CALU: variants seen among roughly 807,000 people sequenced by gnomAD.
CALU encodes calumenin.
Under a neutral mutation model 37.5 loss-of-function variants are expected in CALU, and 13 were observed. The observed-to-expected ratio is 0.35, with a 90% confidence interval of 0.23 to 0.55. The LOEUF (loss-of-function observed/expected upper bound fraction) is 0.55. Ranked by LOEUF, CALU falls within the 20% of genes least tolerant of loss-of-function variation. The pLI is 0.89. For missense variants in CALU, 282 were observed against 391.7 expected (o/e 0.72, Z 2.36); for synonymous variants, 114 against 133.8 (o/e 0.85, Z 1.02).
At chr7:128,750,506 A>G (rs1800630184) in intron 2 of CALU, among the ~76,000 whole-genome samples, 1 of 152,200 alleles carries the variant, frequency 6.6e-6, no homozygotes, top group Non-Finnish European at 1.5e-5. Context: ...AGTTTGTCAC[A>G]TATGCAGATT....
chr7:128,772,380 G>C lies in CALU; in HGVS notation c.*3213G>C. The C allele has an allele frequency of 1.3e-6, 1 of 790,266 alleles. No homozygotes were observed. The highest frequency in any genetic ancestry group is 2.1e-6 in the Non-Finnish European group (1 of 481,662). The allele number at this position is 790,266 out of a possible 1,614,324, so 49.0% of individuals were successfully genotyped here. On this transcript the variant is annotated 3_prime_UTR_variant, in exon 7 of 7. Transcript: ENST00000249364. ...AAACAGTAGCTTTGTAGGCAAGAAG[G>C]CAATAGTAAGAAAATGAAAAATTGA...
At chr7:128,751,764 C>T (rs986666632) in intron 2 of CALU, among the ~76,000 whole-genome samples, 1 of 152,146 alleles carries the variant, frequency 6.6e-6, no homozygotes, top group Non-Finnish European at 1.5e-5. Flanking sequence ...ATTTTGCACA[C>T]TGAAAATTTC....
chr7:128,739,812 A>G (rs1338249620), intron 1 of CALU, among the ~76,000 whole-genome samples: 1 of 151,836 alleles, frequency 6.6e-6, no homozygotes, highest in Non-Finnish European at 1.5e-5. Context: ...GGATAGTGTT[A>G]TTGTAAGAGT....
At position 128,759,805 on chromosome 7, in the gene CALU, A is replaced by C; in HGVS notation, c.596A>C (p.Asp199Ala). ...KDIVVQETME[D>A]IDKNADGFID... ...TTTCCTGTTTAGGAAACAATGGAAG[A>C]TATAGATAAGAATGCTGATGGTTTC... Residue 199 changes from aspartate (D) to alanine (A), a missense_variant, in exon 5 of 7, where the codon GAT becomes GCT. By Grantham distance (126) the Asp-to-Ala change is moderately radical (BLOSUM62 -2). Coordinates refer to ENST00000249364, the MANE Select transcript of CALU (RefSeq NM_001219.5). The C allele has an allele frequency of 7.3e-7, 1 of 1,366,336 alleles. No homozygotes were observed. The highest frequency in any genetic ancestry group is 2.3e-5 in the East Asian group (1 of 43,682). The allele number at this position is 1,366,336 out of a possible 1,614,324, so 84.6% of individuals were successfully genotyped here.
At chr7:128,746,687 A>G (rs1800453816) in intron 1 of CALU, among the ~76,000 whole-genome samples, 1 of 151,764 alleles carries the variant, frequency 6.6e-6, no homozygotes, top group African/African-American at 2.4e-5. Flanking sequence ...CCCGGATGCA[A>G]GTGATCCGCC....
rs1801638561 is a variant in CALU, at chr7:128,772,750, C to T, written c.*3583C>T. 6.4e-7 allele frequency: 1 copy of T among 1,554,826 alleles called. No homozygotes were observed. The highest frequency in any genetic ancestry group is 1.1e-5 in the South Asian group (1 of 88,948). ...TTCTCTGTATCACCAAAGCCTTGCA[C>T]AATGCTTTGTACCCAGAATGCCCTT... On this transcript the variant is annotated 3_prime_UTR_variant, in exon 7 of 7. Coordinates refer to ENST00000249364, the MANE Select transcript of CALU (RefSeq NM_001219.5).
Position 128,758,032 on chromosome 7 carries a change from C to T in CALU, c.416-839C>T, listed in dbSNP as rs141512130. 3.8e-3 allele frequency among the ~76,000 whole-genome samples: 585 copies of T among 152,048 alleles called. 19 individuals carry two copies. Among genetic ancestry groups the T allele is most frequent in the Admixed American group, 0.035 (529 of 15,266 alleles). On this transcript the variant is annotated intron_variant, in intron 3 of 6. Transcript: ENST00000249364. Reference sequence around the variant, plus strand: ...ACCAGTGAAACCACCACTGCAATCACGATAATGAGCATATCCATTACCCCC... The same window carrying T: ...ACCAGTGAAACCACCACTGCAATCATGATAATGAGCATATCCATTACCCCC...
In CALU at chr7:128,752,969, C is replaced by T. The variant is rs563174553; in HGVS notation, c.222-1293C>T. On this transcript the variant is annotated intron_variant, in intron 2 of 6. Coordinates refer to ENST00000249364, the MANE Select transcript of CALU (RefSeq NM_001219.5). ...CCTCCCAAAGTGCTGAGATTATAGG[C>T]GTGAGCCACCGTACCAGGCCAGAGA... Among the ~76,000 whole-genome samples, 205 of 152,308 alleles carry T rather than the reference C, an allele frequency of 1.3e-3. 5 individuals are homozygous for T. The South Asian group carries it at 0.04, about 30-fold the overall frequency.
intron 1 of CALU, among the ~76,000 whole-genome samples, chr7:128,740,026 A>G (rs1045292937): frequency 6.6e-6 from 1 of 152,212 alleles, no homozygotes; most frequent in African/African-American, 2.4e-5. Context: ...ATATTTGGCT[A>G]CGTACTTCAG....
intron 1 of CALU, among the ~76,000 whole-genome samples, chr7:128,745,703 G>A (rs1293635253): frequency 2.0e-5 from 3 of 152,128 alleles, no homozygotes; most frequent in African/African-American, 4.8e-5. Flanking sequence ...GCTAAATCTC[G>A]GATTTTCTGT....
chr7:128,766,654 C>G (rs1469504534), intron 5 of CALU, among the ~76,000 whole-genome samples: 1 of 151,948 alleles, frequency 6.6e-6, no homozygotes, highest in Admixed American at 6.6e-5. Context: ...GTCTCAAATT[C>G]CTGACCTCAG....
At chr7:128,756,345 G>A (rs1303321831) in intron 3 of CALU, among the ~76,000 whole-genome samples, 1 of 152,182 alleles carries the variant, frequency 6.6e-6, no homozygotes, top group Non-Finnish European at 1.5e-5. Flanking sequence ...TGCCTCACAA[G>A]GCAGATGATT....
Position 128,748,648 on chromosome 7 carries a change from C to T in CALU, c.65C>T (p.Thr22Ile). ...LCTAFALSKP[T>I]EKKDRVHHEP... ...ACAGCCTTTGCCTTGAGCAAACCCACAGAAAAGAAGGACCGTGTACATCAT... is the reference window on the plus strand; with the variant it reads ...ACAGCCTTTGCCTTGAGCAAACCCATAGAAAAGAAGGACCGTGTACATCAT... The change falls in exon 2 of 7, where the codon ACA becomes ATA. Residue 22 changes from threonine (T) to isoleucine (I), a missense_variant. Transcript: ENST00000249364. The T allele has an allele frequency of 6.2e-7, 1 of 1,614,158 alleles. No individual in the cohort carries two copies. The highest frequency in any genetic ancestry group is 1.1e-5 in the South Asian group (1 of 91,076).
rs770046613 is a variant in CALU at position 128,772,836 on chromosome 7, C to T, written c.*3669C>T. 1.3e-5 allele frequency among the ~76,000 whole-genome samples: 2 copies of T among 152,208 alleles called. No individual in the cohort carries two copies. Among genetic ancestry groups the T allele is most frequent in the African/African-American group, 2.4e-5 (1 of 41,430 alleles). On this transcript the variant is annotated 3_prime_UTR_variant, in exon 7 of 7. Coordinates refer to ENST00000249364, the MANE Select transcript of CALU (RefSeq NM_001219.5). The stretch of plus-strand genomic sequence containing the variant: ...CTATCTAGATTCCAGTCTAGAACTA[C>T]TCCTGGGTCTACGGTAATCCTAAAC...
chr7:128,746,520 C>CT (rs1371401066), intron 1 of CALU, among the ~76,000 whole-genome samples: 1 of 151,960 alleles, frequency 6.6e-6, no homozygotes, highest in East Asian at 1.9e-4. Context: ...GTGGTACAAT[C>CT]TCAGCTAACT....
rs1386696563 is a variant in CALU, at chr7:128,770,823, T to A, written c.*1656T>A. ...TAAATATATGTATATATAACCTTTA[T>A]TATTGCTATATCTTTGTGGATAATA... On this transcript the variant is annotated 3_prime_UTR_variant, in exon 7 of 7. Coordinates refer to ENST00000249364, the MANE Select transcript of CALU (RefSeq NM_001219.5). The A allele has an allele frequency of 6.5e-6, 1 of 152,682 alleles. No homozygotes were observed. Among genetic ancestry groups the A allele is most frequent in the Non-Finnish European group, 1.5e-5 (1 of 68,046 alleles). 9.5% of individuals were successfully genotyped at this position (152,682 alleles called of 1,614,324 possible). A position where few individuals can be genotyped will look rare whatever the true frequency, so the allele number is the denominator to read the frequency against.
At chr7:128,756,040 A>G (rs994487312) in intron 3 of CALU, among the ~76,000 whole-genome samples, 4 of 152,170 alleles carry the variant, frequency 2.6e-5, no homozygotes, top group African/African-American at 7.2e-5. Flanking sequence ...CTCTCTCTCA[A>G]TGCTTGACAC....
At chr7:128,751,286 C>CA (rs34162068) in intron 2 of CALU, among the ~76,000 whole-genome samples, 7,444 of 104,154 alleles carry the variant, frequency 0.071, 678 homozygotes, top group African/African-American at 0.23. Context: ...GACTCCGTCT[C>CA]AAAAAAAAAA....
Position 128,748,658 on chromosome 7 carries a change from G to A in CALU, c.75G>A (p.Lys25=), listed in dbSNP as rs772945260. 20 of 1,614,086 alleles carry A rather than the reference G, an allele frequency of 1.2e-5. No homozygotes were observed. Among genetic ancestry groups the A allele is most frequent in the Middle Eastern group, 1.6e-4 (1 of 6,084 alleles). ...CCTTGAGCAAACCCACAGAAAAGAA[G>A]GACCGTGTACATCATGAGCCTCAGC... is the stretch of plus-strand genomic sequence containing the variant. ...AFALSKPTEK[K]DRVHHEPQLS... is the part of the protein sequence containing the mutation. Residue 25 remains lysine (K), a synonymous_variant, in exon 2 of 7, where the codon AAG becomes AAA. Transcript: ENST00000249364.
Sources: gnomAD v4.1 joint callset for allele counts (sites outside exome capture counted in the v4.1 genomes callset) on GRCh38, gnomAD v4.1.1 for gene constraint, MANE v1.5 for transcripts, NCBI Gene and HGNC (gene_info 2026-07-23, HGNC 2026-07-21) for gene names.